GHR: variants seen among roughly 807,000 people sequenced by gnomAD.
The protein encoded by GHR is GH receptor.
Under a neutral mutation model 67.1 loss-of-function variants are expected in GHR, and 35 were observed. The observed-to-expected ratio is 0.52, with a 90% confidence interval of 0.40 to 0.69. The LOEUF is 0.69. Among genes scored for constraint, GHR ranks in the 30% least tolerant of loss-of-function variants. The pLI, the probability that GHR is intolerant of heterozygous loss-of-function variation, is 0.00. For missense variants in GHR, 792 were observed against 764.6 expected (o/e 1.04, Z -0.42); for synonymous variants, 272 against 269.1 (o/e 1.01, Z -0.10).
chr5:42,528,646 T>G (rs1747815890), intron 1 of GHR, among the ~76,000 whole-genome samples: 1 of 152,228 alleles, frequency 6.6e-6, no homozygotes, highest in Non-Finnish European at 1.5e-5. Context: ...CAGCCAGATT[T>G]GAGAAGATTG....
chr5:42,692,913 A>G (rs1386725828), intron 4 of GHR, among the ~76,000 whole-genome samples: 1 of 152,146 alleles, frequency 6.6e-6, no homozygotes, highest in Non-Finnish European at 1.5e-5. Context: ...ATTTTCTTAC[A>G]ACTACTCTCT....
At chr5:42,622,215 G>A (rs920642120) in intron 2 of GHR, among the ~76,000 whole-genome samples, 1 of 152,138 alleles carries the variant, frequency 6.6e-6, no homozygotes, top group Non-Finnish European at 1.5e-5. Context: ...GATCCCTGAA[G>A]GGTATTTCTG....
intron 3 of GHR, among the ~76,000 whole-genome samples, chr5:42,680,020 C>G (rs1302800300): frequency 1.3e-5 from 2 of 152,160 alleles, no homozygotes; most frequent in African/African-American, 4.8e-5. Context: ...TCGCCTTAAC[C>G]AAATATAAAG....
At chr5:42,585,496 C>G (rs1446903519) in intron 2 of GHR, among the ~76,000 whole-genome samples, 3 of 152,236 alleles carry the variant, frequency 2.0e-5, no homozygotes, top group Non-Finnish European at 4.4e-5. Flanking sequence ...AATCTCCACA[C>G]CTGGAATGTT....
rs142692980 is a variant in GHR at position 42,689,525 on chromosome 5, G to A, written c.266+506G>A. 4.9e-4 allele frequency among the ~76,000 whole-genome samples: 74 copies of A among 152,242 alleles called. 2 individuals carry two copies. In the South Asian group the frequency reaches 8.9e-3, roughly 18 times the overall value. The stretch of plus-strand genomic sequence containing the variant: ...TCCTAGGAGGCCTCTCTATTGTGGT[G>A]TCCTAGACCAGAGACATAAGTGAAA... On this transcript the variant is annotated intron_variant, in intron 4 of 9. Transcript: ENST00000230882.
intron 1 of GHR, among the ~76,000 whole-genome samples, chr5:42,505,498 C>T (rs1746733758): frequency 1.3e-5 from 2 of 151,310 alleles, no homozygotes; most frequent in Admixed American, 6.6e-5. Flanking sequence ...GAAATTAATA[C>T]ATTTGTTAGA....
intron 3 of GHR, among the ~76,000 whole-genome samples, chr5:42,665,601 G>T (rs1252791611): frequency 6.6e-6 from 1 of 151,932 alleles, no homozygotes; most frequent in Non-Finnish European, 1.5e-5. Flanking sequence ...TGTTGTGGGG[G>T]TGGAGGAGGG....
At chr5:42,683,793 A>G (rs1020928148) in intron 3 of GHR, among the ~76,000 whole-genome samples, 4 of 152,242 alleles carry the variant, frequency 2.6e-5, no homozygotes, top group Admixed American at 2.0e-4. Flanking sequence ...CCATGTGCAG[A>G]CACACACGTC....
intron 1 of GHR, among the ~76,000 whole-genome samples, chr5:42,531,309 G>A (rs550214422): frequency 6.6e-6 from 1 of 152,020 alleles, no homozygotes; most frequent in African/African-American, 2.4e-5. Context: ...TAAAGTCACT[G>A]ATTCTGTTTC....
rs543395788 is a variant in GHR at position 42,639,807 on chromosome 5, A to G, written c.136+10704A>G. On this transcript the variant is annotated intron_variant, in intron 3 of 9. Coordinates refer to ENST00000230882, the MANE Select transcript of GHR (RefSeq NM_000163.5). The stretch of plus-strand genomic sequence containing the variant: ...GATTGTAAGTTCTTTGAGGGCAGGG[A>G]CTGAACCTTTCTCATCTTTATATGC... Among the ~76,000 whole-genome samples the G allele has an allele frequency of 3.8e-3, 584 of 152,268 alleles. 4 individuals carry two copies. The highest frequency in any genetic ancestry group is 7.0e-3 in the Non-Finnish European group (473 of 68,028).
chr5:42,460,957 G>C (rs575024759), intron 1 of GHR, among the ~76,000 whole-genome samples: 1 of 152,222 alleles, frequency 6.6e-6, no homozygotes, highest in South Asian at 2.1e-4. Flanking sequence ...TATTCCCAAA[G>C]GTATCTTAGA....
chr5:42,703,428 G>A (rs1272932153), intron 6 of GHR, among the ~76,000 whole-genome samples: 2 of 151,948 alleles, frequency 1.3e-5, no homozygotes. Flanking sequence ...TTTTATGCCA[G>A]TACCATGCTG....
At chr5:42,661,943 G>C (rs1483894742) in intron 3 of GHR, among the ~76,000 whole-genome samples, 1 of 152,100 alleles carries the variant, frequency 6.6e-6, no homozygotes, top group African/African-American at 2.4e-5. Flanking sequence ...AAAAAAGTCA[G>C]GGGTTGCAAT....
At chr5:42,588,537 A>G (rs1751611053) in intron 2 of GHR, among the ~76,000 whole-genome samples, 1 of 149,552 alleles carries the variant, frequency 6.7e-6, no homozygotes. Flanking sequence ...AAAAAAAAAA[A>G]AAAAAAAAAA....
intron 1 of GHR, among the ~76,000 whole-genome samples, chr5:42,519,271 G>T (rs1327670769): frequency 6.6e-6 from 1 of 152,052 alleles, no homozygotes; most frequent in African/African-American, 2.4e-5. Flanking sequence ...ATTTCACTTA[G>T]CTGTTTTTCC....
intron 1 of GHR, among the ~76,000 whole-genome samples, chr5:42,457,942 ACC>A (rs1744329779): frequency 6.6e-6 from 1 of 152,240 alleles, no homozygotes; most frequent in South Asian, 2.1e-4. Flanking sequence ...AATGGACAAT[ACC>A]TAACTCAACT....
intron 1 of GHR, among the ~76,000 whole-genome samples, chr5:42,557,817 G>A (rs1013592772): frequency 6.6e-5 from 10 of 152,152 alleles, no homozygotes; most frequent in Non-Finnish European, 2.9e-5. Flanking sequence ...AAATAAAATC[G>A]AGTGTCCAGG....
chr5:42,647,738 G>A (rs1284025716), intron 3 of GHR: 21 of 436,116 alleles, frequency 4.8e-5, no homozygotes, highest in Non-Finnish European at 9.1e-6. Context: ...ATCTAGCTTA[G>A]AAAAATTAAC....
At chr5:42,536,136 C>A (rs1442379739) in intron 1 of GHR, among the ~76,000 whole-genome samples, 1 of 151,910 alleles carries the variant, frequency 6.6e-6, no homozygotes, top group Non-Finnish European at 1.5e-5. Context: ...TCCTTTTTAC[C>A]AATTTGGATG....
Sources: allele counts gnomAD v4.1 joint callset (sites outside exome capture counted in the v4.1 genomes callset), GRCh38; gene constraint gnomAD v4.1.1; transcripts MANE v1.5; gene names NCBI Gene and HGNC (gene_info 2026-07-23, HGNC 2026-07-21).